Variants in RIMS2 observed in about 807,000 individuals in gnomAD.
The protein encoded by RIMS2 is regulating synaptic membrane exocytosis protein 2.
RIMS2 carries 59 observed loss-of-function variants against 174.4 expected under a neutral mutation model. The ratio of observed to expected loss-of-function variants is 0.34; its 90% confidence interval spans 0.27 to 0.42. The LOEUF (loss-of-function observed/expected upper bound fraction) is 0.42, where lower values mean the gene tolerates loss of function less well. RIMS2 is among the 10% of genes least tolerant of loss of function. RIMS2 has a pLI of 1.00. For synonymous variants in RIMS2, 606 were observed against 572.5 expected (o/e 1.06, Z -0.84); for missense variants, 1,620 against 1,666.3 (o/e 0.97, Z 0.48).
intron 19 of RIMS2, among the ~76,000 whole-genome samples, chr8:104,134,139 T>C (rs186102292): frequency 2.0e-5 from 3 of 152,194 alleles, no homozygotes; most frequent in Non-Finnish European, 2.9e-5. Context: ...AAAAAGTAAA[T>C]GTTATTTCTC....
intron 19 of RIMS2, among the ~76,000 whole-genome samples, chr8:104,052,074 A>G (rs900448494): frequency 6.6e-6 from 1 of 152,194 alleles, no homozygotes; most frequent in Admixed American, 6.5e-5. Flanking sequence ...AAATATGATC[A>G]GTGGTTACCT....
rs868833602 is a variant in RIMS2 at position 103,750,489 on chromosome 8, T to G, written c.388-15738T>G. The stretch of plus-strand genomic sequence containing the variant: ...TTGTTTGCAACTCAATGGATAAATA[T>G]TTGAGGGGATGGAGACCCCATTCAT... On this transcript the variant is annotated intron_variant, in intron 2 of 23. Coordinates refer to ENST00000504942, the Ensembl canonical transcript of RIMS2. Among the ~76,000 whole-genome samples, 5 of 152,278 alleles carry G rather than the reference T, an allele frequency of 3.3e-5. No homozygotes were observed. The Middle Eastern group carries it at 0.017, about 518-fold the overall frequency.
chr8:104,242,341 T>G (rs1186495639), intron 19 of RIMS2, among the ~76,000 whole-genome samples: 1 of 152,170 alleles, frequency 6.6e-6, no homozygotes, highest in Non-Finnish European at 1.5e-5. Context: ...TTATAATACG[T>G]GTCATTATGC....
chr8:103,529,554 TC>T (rs1252791790), intron 1 of RIMS2, among the ~76,000 whole-genome samples: 2 of 152,196 alleles, frequency 1.3e-5, no homozygotes, highest in African/African-American at 4.8e-5. Flanking sequence ...GAAAGGGAAT[TC>T]CCTGACCCCT....
chr8:104,250,427 A>G (rs1013269329), intron 22 of RIMS2, among the ~76,000 whole-genome samples: 1 of 152,206 alleles, frequency 6.6e-6, no homozygotes, highest in Non-Finnish European at 1.5e-5. Flanking sequence ...TTGTGTTTAT[A>G]TATGTCTTAG....
chr8:104,253,259 A>C (rs2140360052), downstream of RIMS2: 1 of 152,206 alleles, frequency 6.6e-6, no homozygotes, highest in African/African-American at 2.4e-5. Context: ...TATTTGTAGA[A>C]GGTCTTAGGT....
At chr8:103,928,132 A>G (rs2079142488) in intron 11 of RIMS2, among the ~76,000 whole-genome samples, 1 of 151,600 alleles carries the variant, frequency 6.6e-6, no homozygotes, top group Non-Finnish European at 1.5e-5. Flanking sequence ...TAAACCTTAT[A>G]GATTTCAAAA....
At chr8:103,888,029 C>T (rs1418336466) in intron 4 of RIMS2, among the ~76,000 whole-genome samples, 1 of 151,410 alleles carries the variant, frequency 6.6e-6, no homozygotes, top group Admixed American at 6.6e-5. Context: ...AGAAACAACA[C>T]TTGTAAGAAT....
chr8:103,996,548 A>G (rs1001239188), intron 17 of RIMS2, among the ~76,000 whole-genome samples: 2 of 152,004 alleles, frequency 1.3e-5, no homozygotes, highest in Non-Finnish European at 2.9e-5. Context: ...ATATAAGATC[A>G]GGAAATGAAT....
At chr8:103,506,060 A>G (rs926109452) in intron 1 of RIMS2, among the ~76,000 whole-genome samples, 5 of 152,104 alleles carry the variant, frequency 3.3e-5, no homozygotes, top group African/African-American at 1.2e-4. Flanking sequence ...GTATTTTTAA[A>G]AAGTACCAAT....
intron 2 of RIMS2, among the ~76,000 whole-genome samples, chr8:103,739,921 T>G (rs1477630039): frequency 6.6e-6 from 1 of 152,186 alleles, no homozygotes; most frequent in African/African-American, 2.4e-5. Flanking sequence ...GTGTCATCAT[T>G]ATATATCTTG....
chr8:103,949,869 A>G (rs1412515258), intron 14 of RIMS2, among the ~76,000 whole-genome samples: 4 of 152,178 alleles, frequency 2.6e-5, no homozygotes, highest in African/African-American at 4.8e-5. Flanking sequence ...AATTATCAAT[A>G]TAATTGATAA....
chr8:103,679,261 A>C (rs1167259156), intron 1 of RIMS2, among the ~76,000 whole-genome samples: 1 of 152,010 alleles, frequency 6.6e-6, no homozygotes, highest in African/African-American at 2.4e-5. Flanking sequence ...TCTTATGAGG[A>C]GCTCTTAATT....
At chr8:104,016,854 G>C (rs1302663705) in intron 19 of RIMS2, among the ~76,000 whole-genome samples, 1 of 151,968 alleles carries the variant, frequency 6.6e-6, no homozygotes, top group Non-Finnish European at 1.5e-5. Flanking sequence ...TTCAGAGATG[G>C]TGAAGTTTCT....
chr8:104,008,485 TTGTGTGTGTGTG>T (rs150330985), intron 17 of RIMS2, among the ~76,000 whole-genome samples: 1 of 148,346 alleles, frequency 6.7e-6, no homozygotes, highest in African/African-American at 2.5e-5. Context: ...TCTTATATGT[TTGTGTGTGTGTG>T]TGTGTGTGTG....
intron 1 of RIMS2, among the ~76,000 whole-genome samples, chr8:103,543,632 G>T (rs1266951145): frequency 6.6e-6 from 1 of 152,102 alleles, no homozygotes; most frequent in Non-Finnish European, 1.5e-5. Context: ...AAAACAGCAT[G>T]GTACTATAAA....
chr8:103,606,652 C>T (rs957688195), intron 1 of RIMS2, among the ~76,000 whole-genome samples: 2 of 152,130 alleles, frequency 1.3e-5, no homozygotes, highest in African/African-American at 4.8e-5. Context: ...CTTTGTAGGT[C>T]ACTCAGGACT....
At chr8:103,611,929 C>G (rs1466139297) in intron 1 of RIMS2, among the ~76,000 whole-genome samples, 1 of 151,628 alleles carries the variant, frequency 6.6e-6, no homozygotes, top group Non-Finnish European at 1.5e-5. Flanking sequence ...CCTTTTCAGT[C>G]TATTTTCTAG....
chr8:103,826,781 A>C (rs970993598), intron 3 of RIMS2, among the ~76,000 whole-genome samples: 2 of 151,322 alleles, frequency 1.3e-5, no homozygotes, highest in Admixed American at 6.6e-5. Context: ...TCCTGGACTC[A>C]AGTGATCCTT....
Sources: allele counts gnomAD v4.1 joint callset (sites outside exome capture counted in the v4.1 genomes callset), GRCh38; gene constraint gnomAD v4.1.1; transcripts MANE v1.5; gene names NCBI Gene and HGNC (gene_info 2026-07-23, HGNC 2026-07-21).